MAGI2: variants seen among roughly 807,000 people sequenced by gnomAD.
The protein encoded by MAGI2 is membrane associated guanylate kinase, WW and PDZ domain containing 2.
In MAGI2, 35 loss-of-function variants were observed where a neutral mutation model predicts 133.3. The ratio of observed to expected loss-of-function variants is 0.26; its 90% CI spans 0.20 to 0.35. The LOEUF is 0.35. Ranked by LOEUF, MAGI2 falls within the 10% of genes least tolerant of loss-of-function variation. The pLI is 1.00. For synonymous variants in MAGI2, 729 were observed against 710.6 expected (o/e 1.03, Z -0.41); for missense variants, 1,636 against 1,863.4 (o/e 0.88, Z 2.25).
intron 2 of MAGI2, among the ~76,000 whole-genome samples, chr7:78,727,255 T>TGG (rs1172496010): frequency 1.3e-5 from 2 of 152,192 alleles, no homozygotes; most frequent in Non-Finnish European, 2.9e-5. Flanking sequence ...TTGTGTGGTA[T>TGG]GGAAGAGAGA....
At chr7:78,637,138 C>T (rs184039896) in intron 2 of MAGI2, among the ~76,000 whole-genome samples, 11 of 152,264 alleles carry the variant, frequency 7.2e-5, no homozygotes, top group Admixed American at 5.2e-4. Flanking sequence ...GGCATTGGCC[C>T]TGGAGTACTC....
At chr7:78,150,906 T>C (rs1476550998) in intron 16 of MAGI2, among the ~76,000 whole-genome samples, 2 of 152,120 alleles carry the variant, frequency 1.3e-5, no homozygotes, top group Non-Finnish European at 2.9e-5. Flanking sequence ...ATAAGAATGA[T>C]GGTGTTCTCT....
At chr7:79,398,848 T>A (rs1010722361) in intron 1 of MAGI2, among the ~76,000 whole-genome samples, 1 of 152,148 alleles carries the variant, frequency 6.6e-6, no homozygotes, top group African/African-American at 2.4e-5. Flanking sequence ...TAAAAAAGAA[T>A]TGATTATAGC....
intron 3 of MAGI2, among the ~76,000 whole-genome samples, chr7:78,602,796 ATAT>A (rs1178650287): frequency 1.3e-5 from 2 of 152,208 alleles, no homozygotes; most frequent in African/African-American, 4.8e-5. Flanking sequence ...TCCACCAAAT[ATAT>A]TATTAGAAAA....
At chr7:79,438,649 T>C (rs1386875408) in intron 1 of MAGI2, among the ~76,000 whole-genome samples, 1 of 152,064 alleles carries the variant, frequency 6.6e-6, no homozygotes, top group Non-Finnish European at 1.5e-5. Context: ...CATTTTTGCC[T>C]AGTGCCTCCC....
chr7:79,289,821 A>G (rs1836315998), intron 1 of MAGI2, among the ~76,000 whole-genome samples: 1 of 152,152 alleles, frequency 6.6e-6, no homozygotes, highest in African/African-American at 2.4e-5. Flanking sequence ...GTTTTAGTTC[A>G]CTTTTTTATT....
intron 3 of MAGI2, chr7:78,619,005 TAAAAAAAAAA>T (rs58783152): frequency 7.9e-5 from 4 of 50,420 alleles, no homozygotes; most frequent in Admixed American, 2.9e-4. Flanking sequence ...CCAAAATCGC[TAAAAAAAAAA>T]AAAAAAAAAA....
intron 1 of MAGI2, among the ~76,000 whole-genome samples, chr7:79,445,522 T>G (rs1225048008): frequency 6.6e-6 from 1 of 152,106 alleles, no homozygotes; most frequent in Non-Finnish European, 1.5e-5. Flanking sequence ...AACAGACACT[T>G]CTCAAAAGAT....
intron 2 of MAGI2, among the ~76,000 whole-genome samples, chr7:78,857,129 T>C (rs978895623): frequency 6.6e-6 from 1 of 152,234 alleles, no homozygotes; most frequent in African/African-American, 2.4e-5. Context: ...CTGAAGTTGC[T>C]TATTAGCTTA....
At chr7:78,209,187 A>T (rs566198151) in intron 10 of MAGI2, among the ~76,000 whole-genome samples, 5 of 33,510 alleles carry the variant, frequency 1.5e-4, no homozygotes, top group African/African-American at 2.3e-4. Context: ...GCGCCACTGC[A>T]CTCCACCCTG....
At chr7:78,481,553 A>AT (rs1216396696) in intron 6 of MAGI2, among the ~76,000 whole-genome samples, 1 of 151,882 alleles carries the variant, frequency 6.6e-6, no homozygotes. Context: ...AAGGTTTACT[A>AT]TATAGCTGAA....
At chr7:79,057,410 A>G (rs1271216663) in intron 1 of MAGI2, among the ~76,000 whole-genome samples, 2 of 152,230 alleles carry the variant, frequency 1.3e-5, no homozygotes, top group African/African-American at 2.4e-5. Context: ...AAAAAAATCT[A>G]GATTAATGTA....
chr7:79,100,118 CTTAT>C (rs1433035971), intron 1 of MAGI2, among the ~76,000 whole-genome samples: 5 of 152,218 alleles, frequency 3.3e-5, no homozygotes, highest in African/African-American at 1.2e-4. Context: ...TGTATCACAA[CTTAT>C]TTAAACCCTT....
chr7:79,359,776 A>C (rs1842266788), intron 1 of MAGI2, among the ~76,000 whole-genome samples: 2 of 152,116 alleles, frequency 1.3e-5, no homozygotes, highest in African/African-American at 4.8e-5. Context: ...TCAGGAAAGA[A>C]GGGCAAATAA....
At chr7:79,368,341 C>T (rs1029885521) in intron 1 of MAGI2, among the ~76,000 whole-genome samples, 16 of 152,042 alleles carry the variant, frequency 1.1e-4, no homozygotes, top group Admixed American at 1.3e-4. Flanking sequence ...TCAATTAGCC[C>T]TCAGAAAAAC....
chr7:78,655,599 C>T (rs1422009216), intron 2 of MAGI2, among the ~76,000 whole-genome samples: 1 of 151,962 alleles, frequency 6.6e-6, no homozygotes, highest in African/African-American at 2.4e-5. Context: ...GTAAGTTTGC[C>T]CCTTTCCATG....
chr7:78,427,516 T>C (rs1799393356), intron 6 of MAGI2, among the ~76,000 whole-genome samples: 1 of 152,130 alleles, frequency 6.6e-6, no homozygotes, highest in African/African-American at 2.4e-5. Flanking sequence ...AAAAGCTGAA[T>C]TCATCACAAT....
rs1307876832 is a variant in MAGI2, at chr7:78,870,689, C to A, written c.418+136401G>T. ...GAATTACCATTTGATCTAGCAATCA[C>A]TCTACTGGGTATCTACCCAGAGGAA... On this transcript the variant is annotated intron_variant, in intron 2 of 21. Coordinates refer to ENST00000354212, the MANE Select transcript of MAGI2 (RefSeq NM_012301.4). Among the ~76,000 whole-genome samples, 3 of 152,268 alleles carry A rather than the reference C, an allele frequency of 2.0e-5. No individual in the cohort carries two copies. In the East Asian group the frequency reaches 5.8e-4, roughly 29 times the overall value.
At chr7:78,866,707 T>C (rs1317040947) in intron 2 of MAGI2, among the ~76,000 whole-genome samples, 2 of 151,930 alleles carry the variant, frequency 1.3e-5, no homozygotes, top group African/African-American at 4.8e-5. Flanking sequence ...ATGGAAAAGA[T>C]AGTATAAATT....
Sources: allele counts gnomAD v4.1 joint callset (sites outside exome capture counted in the v4.1 genomes callset), GRCh38; gene constraint gnomAD v4.1.1; transcripts MANE v1.5; gene names NCBI Gene and HGNC (gene_info 2026-07-23, HGNC 2026-07-21).